ZNF331: variants seen among roughly 807,000 people sequenced by gnomAD.
ZNF331 encodes zinc finger protein 331, also known as C2H2-like zinc finger protein rearranged in thyroid adenomas.
In ZNF331, 2 loss-of-function variants were observed where a neutral mutation model predicts 7.0. The ratio of observed to expected loss-of-function variants is 0.29; its 90% CI spans 0.12 to 0.90. ZNF331 has a LOEUF of 0.90. Among genes scored for constraint, ZNF331 ranks in the 40% least tolerant of loss-of-function variants. The probability of loss-of-function intolerance (pLI) is 0.58; values close to 1 mark genes in which losing one functional copy is unlikely to be tolerated. For synonymous variants in ZNF331, 196 were observed against 205.4 expected, an observed-to-expected ratio of 0.95 and a Z score of 0.39; for missense variants, 432 against 587.7, an observed-to-expected ratio of 0.74 and a Z score of 2.74.
chr19:53,562,981 G>A (rs1038818884), intron 3 of ZNF331, among the ~76,000 whole-genome samples: 1 of 151,708 alleles, frequency 6.6e-6, no homozygotes, highest in African/African-American at 2.4e-5. Context: ...GAGTGAGACT[G>A]TCTCTTAAAA....
intron 4 of ZNF331, among the ~76,000 whole-genome samples, chr19:53,570,428 T>TA (rs2147649339): frequency 6.6e-6 from 1 of 152,316 alleles, no homozygotes; most frequent in African/African-American, 2.4e-5. Flanking sequence ...CAGTCTGACT[T>TA]ACCTGTGTGG....
chr19:53,548,429 C>T (rs1253557401), intron 2 of ZNF331, among the ~76,000 whole-genome samples: 2 of 152,014 alleles, frequency 1.3e-5, no homozygotes, highest in Admixed American at 1.3e-4. Context: ...ACTAATTTTT[C>T]AATTTTTTGT....
the ZNF331 span, among the ~76,000 whole-genome samples, chr19:53,513,288 T>C: frequency 1.3e-5 from 2 of 151,946 alleles, no homozygotes; most frequent in African/African-American, 4.8e-5. Context: ...GGAGTGCAGA[T>C]AGCTCTTGGA....
the ZNF331 span, among the ~76,000 whole-genome samples, chr19:53,506,299 C>A: frequency 9.3e-6 from 1 of 107,280 alleles, no homozygotes. Context: ...CGCGCCACCG[C>A]ACTCCAGCCT....
intron 2 of ZNF331, among the ~76,000 whole-genome samples, chr19:53,532,252 CT>C (rs370774991): frequency 6.6e-6 from 1 of 152,058 alleles, no homozygotes; most frequent in African/African-American, 2.4e-5. Context: ...ATTCCCACCC[CT>C]GTCCCAGCCT....
At chr19:53,506,952 A>C in the ZNF331 span, among the ~76,000 whole-genome samples, 1 of 152,066 alleles carries the variant, frequency 6.6e-6, no homozygotes, top group Non-Finnish European at 1.5e-5. Flanking sequence ...CTCACTATGC[A>C]GATGATGTTG....
At chr19:53,505,647 C>T in the ZNF331 span, among the ~76,000 whole-genome samples, 1 of 152,152 alleles carries the variant, frequency 6.6e-6, no homozygotes, top group East Asian at 1.9e-4. Flanking sequence ...AAGAGACAAG[C>T]TTCTGGCCCT....
upstream of ZNF331, among the ~76,000 whole-genome samples, chr19:53,519,276 T>TA (rs762026882): frequency 1.2e-4 from 19 of 152,118 alleles, no homozygotes; most frequent in Non-Finnish European, 2.6e-4. Context: ...ACAGCATATA[T>TA]TTTTTAGGGC....
intron 2 of ZNF331, among the ~76,000 whole-genome samples, chr19:53,553,858 C>T (rs572679874): frequency 6.6e-6 from 1 of 152,318 alleles, no homozygotes; most frequent in African/African-American, 2.4e-5. Context: ...AGAGGCCAGA[C>T]GGGCTCCCAG....
chr19:53,506,444 GTCTCTC>G, the ZNF331 span, among the ~76,000 whole-genome samples: 12,054 of 85,692 alleles, frequency 0.14, 992 homozygotes, highest in East Asian at 0.23. Context: ...CTCTCTCTCT[GTCTCTC>G]TCTCTCTCTC....
chr19:53,569,485 T>A (rs1600474620), intron 4 of ZNF331, 100 bp downstream of exon 4: 1 of 1,371,126 alleles, frequency 7.3e-7, no homozygotes, highest in East Asian at 2.3e-5. Context: ...AAGCTCTTTA[T>A]AATTACCTGT....
chr19:53,506,323 A>G, the ZNF331 span, among the ~76,000 whole-genome samples: 1 of 96,258 alleles, frequency 1.0e-5, no homozygotes, highest in Admixed American at 1.0e-4. Flanking sequence ...CGACAGAGCG[A>G]GACTCCGTCT....
chr19:53,520,714 G>T (rs920951405), upstream of ZNF331, among the ~76,000 whole-genome samples: 7 of 152,228 alleles, frequency 4.6e-5, no homozygotes, highest in Non-Finnish European at 7.3e-5. Context: ...TTAGGGCCGT[G>T]TGCAGTTGCC....
chr19:53,572,768 CTA>C (rs1240707847), intron 5 of ZNF331, among the ~76,000 whole-genome samples: 1 of 151,898 alleles, frequency 6.6e-6, no homozygotes, highest in Non-Finnish European at 1.5e-5. Flanking sequence ...CAATCATTGT[CTA>C]TTTTGGAGAT....
At position 53,571,550 on chromosome 19, in the gene ZNF331, A is replaced by G; in HGVS notation, c.10-54A>G. 3 of 1,599,728 alleles carry G rather than the reference A, an allele frequency of 1.9e-6. No homozygotes were observed. The Admixed American group carries it at 5.1e-5, about 27-fold the overall frequency. ...CAGAGGGTGGCCTCCTGTCTCCTTC[A>G]TCTGGAAGCTGTTTCCTTTCATTTC... On this transcript the variant is annotated intron_variant, in intron 4 of 5. Coordinates refer to ENST00000449416, the MANE Select transcript of ZNF331 (RefSeq NM_001079906.2). The surrounding 1 kb of genome is among the most constrained non-coding windows in gnomAD (Gnocchi z 4.7).
At chr19:53,570,048 G>T (rs2090361059) in intron 4 of ZNF331, among the ~76,000 whole-genome samples, 1 of 152,068 alleles carries the variant, frequency 6.6e-6, no homozygotes, top group African/African-American at 2.4e-5. Context: ...TTGTGGTCAG[G>T]AGTTCAAAAC....
chr19:53,506,406 T>TCC, the ZNF331 span, among the ~76,000 whole-genome samples: 1 of 111,608 alleles, frequency 9.0e-6, no homozygotes, highest in Non-Finnish European at 1.8e-5. Flanking sequence ...ACACACTCTC[T>TCC]CTCTCCTCTC....
At position 53,577,085 on chromosome 19, in the gene ZNF331, T is replaced by G; in HGVS notation, c.525T>G (p.Thr175=). The G allele has an allele frequency of 1.2e-6, 2 of 1,614,210 alleles. No homozygotes were observed. Among genetic ancestry groups the G allele is most frequent in the Non-Finnish European group, 1.7e-6 (2 of 1,180,024 alleles). ...KKAFRWGNQL[T]QHQKIHTGEK... is the part of the protein sequence containing the mutation. ...CCTTCCGTTGGGGCAATCAGCTTAC[T>G]CAACATCAAAAAATTCATACTGGGG... is the stretch of plus-strand genomic sequence containing the variant. The change falls in exon 6 of 6, where the codon ACT becomes ACG. Residue 175 remains threonine, a synonymous_variant. Transcript: ENST00000449416.
intron 2 of ZNF331, among the ~76,000 whole-genome samples, chr19:53,548,568 A>G (rs1413400854): frequency 2.6e-5 from 4 of 152,178 alleles, no homozygotes; most frequent in Admixed American, 2.6e-4. Context: ...TATTTTGGAT[A>G]TTAACCCCTT....
Sources: allele counts gnomAD v4.1 joint callset (sites outside exome capture counted in the v4.1 genomes callset), GRCh38; gene constraint gnomAD v4.1.1; non-coding constraint Gnocchi (gnomAD v3.1); transcripts MANE v1.5; gene names NCBI Gene and HGNC (gene_info 2026-07-23, HGNC 2026-07-21).